Variants in CHRM3 observed in about 807,000 individuals in gnomAD.
The protein encoded by CHRM3 is muscarinic acetylcholine receptor M3.
A neutral mutation model predicts 41.8 loss-of-function variants in CHRM3; 11 were observed. The observed-to-expected ratio is 0.26, with a 90% CI of 0.17 to 0.44. The LOEUF (loss-of-function observed/expected upper bound fraction) is 0.44. CHRM3 is among the 20% of genes least tolerant of loss of function. The pLI, the probability that CHRM3 is intolerant of heterozygous loss-of-function variation, is 1.00. For missense variants in CHRM3, 571 were observed against 745.4 expected, an observed-to-expected ratio of 0.77 and a Z score of 2.72; for synonymous variants, 297 against 301.4, an observed-to-expected ratio of 0.99 and a Z score of 0.15.
At chr1:239,440,004 C>A (rs959612798) in intron 1 of CHRM3, among the ~76,000 whole-genome samples, 6 of 151,176 alleles carry the variant, frequency 4.0e-5, no homozygotes, top group African/African-American at 1.5e-4. Context: ...TCGAGACTAG[C>A]CTGACCAACA....
intron 1 of CHRM3, among the ~76,000 whole-genome samples, chr1:239,492,184 T>C (rs1667596020): frequency 6.6e-6 from 1 of 152,138 alleles, no homozygotes; most frequent in East Asian, 1.9e-4. Context: ...GCAATATTGC[T>C]CTTTACTTCC....
chr1:239,663,234 C>G (rs147672705), intron 4 of CHRM3, among the ~76,000 whole-genome samples: 5 of 152,148 alleles, frequency 3.3e-5, no homozygotes, highest in South Asian at 2.1e-4. Flanking sequence ...CCTCCTTTTC[C>G]AGCAGATCAC....
intron 5 of CHRM3, among the ~76,000 whole-genome samples, chr1:239,770,389 G>A (rs931619358): frequency 6.6e-6 from 1 of 152,118 alleles, no homozygotes; most frequent in African/African-American, 2.4e-5. Flanking sequence ...ACAAAAAAAT[G>A]GTCAAGTGAA....
At chr1:239,772,042 G>A (rs1442915319) in intron 5 of CHRM3, among the ~76,000 whole-genome samples, 11 of 152,164 alleles carry the variant, frequency 7.2e-5, no homozygotes, top group South Asian at 2.1e-4. Context: ...TACAGTGTGC[G>A]TAAAATTGAA....
At chr1:239,565,419 G>A (rs1292065708) in intron 3 of CHRM3, among the ~76,000 whole-genome samples, 1 of 152,148 alleles carries the variant, frequency 6.6e-6, no homozygotes, top group African/African-American at 2.4e-5. Flanking sequence ...GACTGTAATA[G>A]TTCAGGAGGG....
At chr1:239,580,704 T>TATAC (rs570878631) in intron 3 of CHRM3, among the ~76,000 whole-genome samples, 2 of 131,070 alleles carry the variant, frequency 1.5e-5, no homozygotes, top group South Asian at 4.9e-4. Context: ...TATATATATA[T>TATAC]ACACACACAC....
At chr1:239,870,711 C>G (rs1035794248) in intron 6 of CHRM3, among the ~76,000 whole-genome samples, 6 of 152,310 alleles carry the variant, frequency 3.9e-5, no homozygotes, top group African/African-American at 1.4e-4. Flanking sequence ...AGCTGAGGCT[C>G]TCGTTAGCCA....
In CHRM3 at chr1:239,429,683, G is replaced by A. The variant is rs188832638; in HGVS notation, c.-521+42456G>A. 3.4e-4 allele frequency among the ~76,000 whole-genome samples: 52 copies of A among 151,894 alleles called. No individual in the cohort carries two copies. In the East Asian group the frequency reaches 4.5e-3, roughly 13 times the overall value. Reference sequence around the variant, plus strand: ...TGACAATGTGTTGATTTTTCATGTCGGGTATTTTTATTTGGTTAGTCTGAT... The same window carrying A: ...TGACAATGTGTTGATTTTTCATGTCAGGTATTTTTATTTGGTTAGTCTGAT... On this transcript the variant is annotated intron_variant, in intron 1 of 6. Coordinates refer to ENST00000676153, the MANE Select transcript of CHRM3 (RefSeq NM_001375978.1).
chr1:239,550,490 G>C (rs529997453), intron 3 of CHRM3, among the ~76,000 whole-genome samples: 1 of 152,108 alleles, frequency 6.6e-6, no homozygotes, highest in Non-Finnish European at 1.5e-5. Flanking sequence ...AATGATTAAT[G>C]ATACATTTTA....
At chr1:239,840,273 T>C (rs1381142805) in intron 6 of CHRM3, among the ~76,000 whole-genome samples, 1 of 152,200 alleles carries the variant, frequency 6.6e-6, no homozygotes, top group African/African-American at 2.4e-5. Flanking sequence ...TCAGTTACCT[T>C]GGGACACTGT....
intron 4 of CHRM3, among the ~76,000 whole-genome samples, chr1:239,673,498 A>G (rs1309268106): frequency 6.6e-6 from 1 of 152,210 alleles, no homozygotes; most frequent in Non-Finnish European, 1.5e-5. Flanking sequence ...AAACTATTTA[A>G]CCATGCAAAC....
intron 4 of CHRM3, among the ~76,000 whole-genome samples, chr1:239,651,614 C>G (rs77513222): frequency 0.013 from 1,951 of 152,222 alleles, 55 homozygotes; most frequent in African/African-American, 0.045. Context: ...ATGCCTACCT[C>G]CAGCACTTTC....
intron 4 of CHRM3, among the ~76,000 whole-genome samples, chr1:239,674,709 CAAAAA>C (rs34078965): frequency 1.1e-5 from 1 of 92,764 alleles, no homozygotes. Context: ...GACTCCATCT[CAAAAA>C]AAAAAAAAAA....
At chr1:239,629,277 G>C (rs371688290) in intron 3 of CHRM3, 2 of 120,316 alleles carry the variant, frequency 1.7e-5, no homozygotes, top group Admixed American at 8.3e-5. Context: ...AGGTGCTTCC[G>C]TCACCCCTTT....
At chr1:239,629,415 G>C (rs1038920605) in intron 3 of CHRM3, 1 of 149,114 alleles carries the variant, frequency 6.7e-6, no homozygotes, top group Admixed American at 6.7e-5. Context: ...ACTCCCTAGT[G>C]AGATGAACCC....
intron 5 of CHRM3, among the ~76,000 whole-genome samples, chr1:239,721,782 C>A (rs1161476256): frequency 6.6e-6 from 1 of 151,810 alleles, no homozygotes; most frequent in Non-Finnish European, 1.5e-5. Flanking sequence ...AGATTATATG[C>A]ACTCGTGTGT....
At chr1:239,408,351 C>G (rs1005894068) in intron 1 of CHRM3, 3 of 152,008 alleles carry the variant, frequency 2.0e-5, no homozygotes, top group Non-Finnish European at 4.4e-5. Context: ...GAAACCCCGT[C>G]TCTACTAAAA....
At chr1:239,782,452 A>T (rs1282163140) in intron 5 of CHRM3, among the ~76,000 whole-genome samples, 1 of 152,016 alleles carries the variant, frequency 6.6e-6, no homozygotes, top group Non-Finnish European at 1.5e-5. Flanking sequence ...ATCTGCAGTG[A>T]TGTCTCCTCT....
At chr1:239,481,225 C>CT (rs1240986058) in intron 1 of CHRM3, among the ~76,000 whole-genome samples, 1 of 152,090 alleles carries the variant, frequency 6.6e-6, no homozygotes, top group Admixed American at 6.6e-5. Flanking sequence ...TATATGTATG[C>CT]TTTTATGCAC....
Sources: gnomAD v4.1 joint callset for allele counts (sites outside exome capture counted in the v4.1 genomes callset) on GRCh38, gnomAD v4.1.1 for gene constraint, MANE v1.5 for transcripts, NCBI Gene and HGNC (gene_info 2026-07-23, HGNC 2026-07-21) for gene names.